The following CHST9 variants were observed in gnomAD, a reference collection of about 807,000 sequenced individuals.
CHST9 encodes the protein GalNAc-4-sulfotransferase 2.
CHST9 carries 41 observed loss-of-function variants against 44.4 expected under a neutral mutation model. The observed-to-expected ratio is 0.92, with a 90% CI of 0.72 to 1.20. CHST9 has a LOEUF of 1.20. Ranked by LOEUF, CHST9 falls within the 50% of genes most tolerant of loss-of-function variation. The pLI is 0.00. For missense variants in CHST9, 504 were observed against 516.5 expected (o/e 0.98, Z 0.23); for synonymous variants, 171 against 178.4 (o/e 0.96, Z 0.33).
At chr18:27,096,590 C>T (rs72882402) in intron 2 of CHST9, among the ~76,000 whole-genome samples, 318 of 151,782 alleles carry the variant, frequency 2.1e-3, no homozygotes, top group African/African-American at 6.8e-3. Flanking sequence ...TCAGAAATAA[C>T]AAGGGTGTCA....
At chr18:27,157,337 T>C (rs2058705664) in intron 1 of CHST9, among the ~76,000 whole-genome samples, 1 of 152,142 alleles carries the variant, frequency 6.6e-6, no homozygotes, top group African/African-American at 2.4e-5. Context: ...ACTAGAAGTA[T>C]GTGTATATTC....
chr18:27,107,666 T>C (rs1203707240), intron 2 of CHST9, among the ~76,000 whole-genome samples: 1 of 152,196 alleles, frequency 6.6e-6, no homozygotes, highest in Non-Finnish European at 1.5e-5. Context: ...ACACTTCTCA[T>C]GGCACTGATG....
chr18:27,127,008 T>C (rs1198890072), intron 2 of CHST9, among the ~76,000 whole-genome samples: 2 of 152,186 alleles, frequency 1.3e-5, no homozygotes, highest in Admixed American at 6.5e-5. Context: ...ACAACAGTCT[T>C]AGGTGGAGCC....
At chr18:27,130,463 T>A (rs1320062912) in intron 2 of CHST9, among the ~76,000 whole-genome samples, 1 of 152,252 alleles carries the variant, frequency 6.6e-6, no homozygotes, top group African/African-American at 2.4e-5. Flanking sequence ...GTTCTGTGTA[T>A]GTTTTATTAG....
At position 27,115,189 on chromosome 18, in the gene CHST9, T is replaced by TA. The variant is rs553139209; in HGVS notation, c.121+27499dup. On this transcript the variant is annotated intron_variant, in intron 2 of 5. Transcript: ENST00000618847. Reference sequence around the variant, plus strand: ...AATTAAACCTCTTTCCTTTATAAATTACCCAGTCTTGGGTGTTTCTTCATA... The same window carrying TA: ...AATTAAACCTCTTTCCTTTATAAATTAACCCAGTCTTGGGTGTTTCTTCATA... 5.4e-3 allele frequency among the ~76,000 whole-genome samples: 821 copies of TA among 152,302 alleles called. 6 individuals carry two copies. The highest frequency in any genetic ancestry group is 7.2e-3 in the Non-Finnish European group (492 of 68,030).
In CHST9 at chr18:27,075,155, T is replaced by A. The variant is rs529096587; in HGVS notation, c.122-26652A>T. ...ATGAGAGGGTTTTGGGGGTTGCTTT[T>A]TTTGTTTGTTTTTTTTGTTTTTTGT... On this transcript the variant is annotated intron_variant, in intron 2 of 5. Transcript: ENST00000618847. Among the ~76,000 whole-genome samples the A allele has an allele frequency of 3.1e-3, 413 of 133,564 alleles. 2 individuals are homozygous for A. The highest frequency in any genetic ancestry group is 0.01 in the African/African-American group (385 of 37,844). 87.6% of individuals were successfully genotyped at this position (133,564 alleles called of 152,430 possible). A position where few individuals can be genotyped will look rare whatever the true frequency, so the allele number is the denominator to read the frequency against.
chr18:27,000,866 A>G (rs1242986098), intron 4 of CHST9, among the ~76,000 whole-genome samples: 1 of 152,206 alleles, frequency 6.6e-6, no homozygotes, highest in East Asian at 1.9e-4. Flanking sequence ...AAAGTTGTGT[A>G]TATAGCTAAC....
At chr18:27,118,354 C>T (rs2058346730) in intron 2 of CHST9, among the ~76,000 whole-genome samples, 1 of 152,190 alleles carries the variant, frequency 6.6e-6, no homozygotes, top group African/African-American at 2.4e-5. Flanking sequence ...TTCTCAATCT[C>T]ATGACATTGT....
At chr18:27,123,253 C>T (rs1484597243) in intron 2 of CHST9, among the ~76,000 whole-genome samples, 1 of 152,108 alleles carries the variant, frequency 6.6e-6, no homozygotes, top group African/African-American at 2.4e-5. Context: ...TAAGCTGAAA[C>T]TCCATTGATC....
intron 2 of CHST9, among the ~76,000 whole-genome samples, chr18:27,137,131 G>C (rs2058519499): frequency 6.6e-6 from 1 of 151,822 alleles, no homozygotes; most frequent in Non-Finnish European, 1.5e-5. Flanking sequence ...AATAATTAAG[G>C]AGTCAATTGC....
chr18:27,020,685 T>C (rs924218701), intron 4 of CHST9, among the ~76,000 whole-genome samples: 11 of 152,238 alleles, frequency 7.2e-5, no homozygotes, highest in Non-Finnish European at 1.2e-4. Flanking sequence ...ATGTGTCTTA[T>C]ATTAATTAAA....
At chr18:27,139,098 G>A (rs2143858842) in intron 2 of CHST9, among the ~76,000 whole-genome samples, 1 of 152,140 alleles carries the variant, frequency 6.6e-6, no homozygotes, top group Admixed American at 6.5e-5. Context: ...GTATATCAGA[G>A]CATATTTCAG....
chr18:27,022,413 A>C (rs1219425538), intron 4 of CHST9, among the ~76,000 whole-genome samples: 2 of 152,128 alleles, frequency 1.3e-5, no homozygotes, highest in Non-Finnish European at 2.9e-5. Context: ...GCCCTTGAAT[A>C]ATCTTATTCA....
intron 2 of CHST9, among the ~76,000 whole-genome samples, chr18:27,123,582 G>A (rs1164918587): frequency 1.3e-5 from 2 of 152,140 alleles, no homozygotes; most frequent in Non-Finnish European, 2.9e-5. Flanking sequence ...GGGCTAATAG[G>A]CAATGGGGAA....
intron 5 of CHST9, among the ~76,000 whole-genome samples, chr18:26,928,592 G>A (rs1180215040): frequency 1.3e-5 from 2 of 152,206 alleles, no homozygotes; most frequent in Admixed American, 6.5e-5. Flanking sequence ...GGAAACACTG[G>A]CAGGAGAGTA....
chr18:27,145,920 C>T (rs1014335904), intron 1 of CHST9, among the ~76,000 whole-genome samples: 2 of 152,144 alleles, frequency 1.3e-5, no homozygotes, highest in African/African-American at 4.8e-5. Context: ...GACATAATTC[C>T]TGGGTACATA....
At chr18:27,080,073 T>C (rs1018943977) in intron 2 of CHST9, among the ~76,000 whole-genome samples, 4 of 152,098 alleles carry the variant, frequency 2.6e-5, no homozygotes, top group Non-Finnish European at 5.9e-5. Flanking sequence ...ACCACAAATG[T>C]ATAATTGGTC....
At chr18:27,043,237 C>T (rs981107121) in intron 3 of CHST9, among the ~76,000 whole-genome samples, 1 of 151,962 alleles carries the variant, frequency 6.6e-6, no homozygotes, top group Non-Finnish European at 1.5e-5. Flanking sequence ...GCCTTTGGAG[C>T]TCATTCATAT....
chr18:26,916,463 ATCT>A lies in CHST9; in HGVS notation c.1125_1127del (p.Glu375del). The A allele has an allele frequency of 6.2e-7, 1 of 1,613,746 alleles. No homozygotes were observed. Among genetic ancestry groups the A allele is most frequent in the Non-Finnish European group, 8.5e-7 (1 of 1,179,722 alleles). ...CGATCATCTGTAAAAAGTAATTGGC[ATCT>A]TCTTCCAAAGTCTCAAATTTCCCTA... On this transcript the variant is annotated inframe_deletion, in exon 6 of 6. Coordinates refer to ENST00000618847, the MANE Select transcript of CHST9 (RefSeq NM_031422.6).
Sources: allele counts gnomAD v4.1 joint callset (sites outside exome capture counted in the v4.1 genomes callset), GRCh38; gene constraint gnomAD v4.1.1; transcripts MANE v1.5; gene names NCBI Gene and HGNC (gene_info 2026-07-23, HGNC 2026-07-21).